CAV1: variants seen among roughly 807,000 people sequenced by gnomAD.
CAV1 encodes caveolin 1.
Under a neutral mutation model 16.5 loss-of-function variants are expected in CAV1, and 10 were observed. The ratio of observed to expected loss-of-function variants is 0.61; its 90% CI spans 0.37 to 1.03. The LOEUF is 1.03. CAV1 is among the 50% of genes least tolerant of loss of function. CAV1 has a pLI of 0.01. For synonymous variants in CAV1, 76 were observed against 85.1 expected, an observed-to-expected ratio of 0.89 and a Z score of 0.59; for missense variants, 212 against 232.8, an observed-to-expected ratio of 0.91 and a Z score of 0.58.
intron 2 of CAV1, among the ~76,000 whole-genome samples, chr7:116,546,184 A>G (rs948161391): frequency 6.6e-6 from 1 of 152,154 alleles, no homozygotes; most frequent in Non-Finnish European, 1.5e-5. Context: ...ACTCAACATC[A>G]ACATGTGCTA....
At chr7:116,534,291 C>T (rs146992398) in intron 2 of CAV1, among the ~76,000 whole-genome samples, 3,072 of 141,500 alleles carry the variant, frequency 0.022, 58 homozygotes, top group Middle Eastern at 0.044. Context: ...CCCAAAAGCA[C>T]TATCAAATTT....
intron 2 of CAV1, among the ~76,000 whole-genome samples, chr7:116,538,060 C>T (rs1428814783): frequency 6.6e-6 from 1 of 152,134 alleles, no homozygotes; most frequent in Non-Finnish European, 1.5e-5. Flanking sequence ...GAGGGGTAAG[C>T]ATGAGGAAAG....
intron 2 of CAV1, among the ~76,000 whole-genome samples, chr7:116,537,109 C>A (rs1435918143): frequency 6.6e-6 from 1 of 151,314 alleles, no homozygotes; most frequent in Non-Finnish European, 1.5e-5. Flanking sequence ...AAAGACACAA[C>A]CATTTCCTCT....
chr7:116,547,712 A>G (rs1000824728), intron 2 of CAV1, among the ~76,000 whole-genome samples: 6 of 152,214 alleles, frequency 3.9e-5, no homozygotes, highest in African/African-American at 1.4e-4. Context: ...CCATCTTCCC[A>G]ATACTGTTAC....
rs1466409934 is a variant in CAV1, at chr7:116,555,514, AAGAAAGAG to A, written c.196-3428_196-3421del. Among the ~76,000 whole-genome samples the A allele has an allele frequency of 3.9e-4, 4 of 10,284 alleles. 2 individuals carry two copies. Among genetic ancestry groups the A allele is most frequent in the Non-Finnish European group, 7.7e-4 (4 of 5,222 alleles). The allele number at this position is 10,284 out of a possible 152,430, so 6.7% of individuals were successfully genotyped here. On this transcript the variant is annotated intron_variant, in intron 2 of 2. Coordinates refer to ENST00000341049, the MANE Select transcript of CAV1 (RefSeq NM_001753.5). The stretch of plus-strand genomic sequence containing the variant: ...AAAGAAAGAAAGAAAGAAAGAAAGA[AAGAAAGAG>A]AGAGAGAGAGAGAGAGAGAGAGAAA...
chr7:116,551,247 C>A (rs11773845), intron 2 of CAV1, among the ~76,000 whole-genome samples: 80,842 of 151,970 alleles, frequency 0.53, 22,646 homozygotes, highest in East Asian at 0.73. Context: ...GAAATGAGAA[C>A]CCTGTGCTAG....
intron 2 of CAV1, among the ~76,000 whole-genome samples, chr7:116,556,229 G>A (rs1009366903): frequency 1.3e-5 from 2 of 152,146 alleles, no homozygotes; most frequent in African/African-American, 2.4e-5. Flanking sequence ...TTATTATTAA[G>A]AAATCTTACA....
intron 2 of CAV1, among the ~76,000 whole-genome samples, chr7:116,527,665 G>C (rs1793595610): frequency 6.6e-6 from 1 of 152,130 alleles, no homozygotes; most frequent in Admixed American, 6.5e-5. Flanking sequence ...TCTGAGAAAT[G>C]GAGGGCTAAG....
intron 2 of CAV1, among the ~76,000 whole-genome samples, chr7:116,537,642 T>C (rs938262270): frequency 5.3e-5 from 8 of 152,158 alleles, no homozygotes; most frequent in Admixed American, 1.3e-4. Flanking sequence ...CCAGAAGCCA[T>C]TGGTGTGGCC....
chr7:116,549,250 C>T (rs937667834), intron 2 of CAV1, among the ~76,000 whole-genome samples: 2 of 152,236 alleles, frequency 1.3e-5, no homozygotes, highest in African/African-American at 2.4e-5. Context: ...CCTGAAGCCC[C>T]CTCCTCATCA....
At chr7:116,545,837 A>G (rs1294161322) in intron 2 of CAV1, among the ~76,000 whole-genome samples, 2 of 152,254 alleles carry the variant, frequency 1.3e-5, no homozygotes, top group East Asian at 1.9e-4. Flanking sequence ...TTGTCCCATG[A>G]CATGCCCAGA....
At chr7:116,538,112 A>G (rs933597373) in intron 2 of CAV1, among the ~76,000 whole-genome samples, 5 of 152,212 alleles carry the variant, frequency 3.3e-5, no homozygotes, top group African/African-American at 1.2e-4. Context: ...ACAGCTCCTT[A>G]TAAGGTTCTC....
At chr7:116,557,003 A>G (rs1794306779) in intron 2 of CAV1, among the ~76,000 whole-genome samples, 1 of 152,250 alleles carries the variant, frequency 6.6e-6, no homozygotes, top group African/African-American at 2.4e-5. Flanking sequence ...ATGCAGTGTC[A>G]GAACACAAAC....
chr7:116,525,030 C>T (rs377410144), upstream of CAV1: 2 of 1,613,944 alleles, frequency 1.2e-6, no homozygotes, highest in Non-Finnish European at 1.7e-6. Context: ...CCAGGGAAAC[C>T]TCCTCACAGT....
intron 2 of CAV1, among the ~76,000 whole-genome samples, chr7:116,536,584 G>A (rs1048235343): frequency 1.3e-5 from 2 of 152,228 alleles, no homozygotes; most frequent in African/African-American, 4.8e-5. Context: ...GGCACCAGCA[G>A]TGGATCAATG....
At chr7:116,546,700 A>G (rs1012370601) in intron 2 of CAV1, among the ~76,000 whole-genome samples, 10 of 148,144 alleles carry the variant, frequency 6.8e-5, no homozygotes, top group Non-Finnish European at 1.2e-4. Context: ...TCTGTCACAA[A>G]AAAAAAAAAA....
At chr7:116,534,380 TATATATATATATATA>T (rs1477293798) in intron 2 of CAV1, among the ~76,000 whole-genome samples, 1,091 of 13,636 alleles carry the variant, frequency 0.08, 44 homozygotes, top group African/African-American at 0.19. Context: ...TATATATATA[TATATATATATATATA>T]TTTTTTTTTT....
At chr7:116,546,702 A>AAAAAAAAAATAAAAAT (rs1554356432) in intron 2 of CAV1, among the ~76,000 whole-genome samples, 1,813 of 143,002 alleles carry the variant, frequency 0.013, 65 homozygotes, top group African/African-American at 0.037. Context: ...TGTCACAAAA[A>AAAAAAAAAATAAAAAT]AAAAAAAAAA....
Position 116,534,754 on chromosome 7 carries a change from A to C in CAV1, c.195+8065A>C, listed in dbSNP as rs143082257. Among the ~76,000 whole-genome samples the C allele has an allele frequency of 4.2e-3, 642 of 152,146 alleles. 9 individuals are homozygous for C. Among genetic ancestry groups the C allele is most frequent in the African/African-American group, 0.014 (595 of 41,532 alleles). ...TGGAGCCTGAGTATCTGTATTTTTC[A>C]GAGTTTCAAATGATCGTTCTTCAAA... is the stretch of plus-strand genomic sequence containing the variant. On this transcript the variant is annotated intron_variant, in intron 2 of 2. Transcript: ENST00000341049.
Sources: gnomAD v4.1 joint callset for allele counts (sites outside exome capture counted in the v4.1 genomes callset) on GRCh38, gnomAD v4.1.1 for gene constraint, MANE v1.5 for transcripts, NCBI Gene and HGNC (gene_info 2026-07-23, HGNC 2026-07-21) for gene names.